Variants in YEATS4 observed in about 807,000 individuals in gnomAD.
YEATS4 encodes YEATS domain containing 4.
YEATS4 carries 17 observed loss-of-function variants against 30.1 expected under a neutral mutation model. The observed-to-expected ratio is 0.56, with a 90% CI of 0.39 to 0.85. YEATS4 has a LOEUF of 0.85. YEATS4 is among the 40% of genes least tolerant of loss of function. YEATS4 has a pLI of 0.00. For missense variants in YEATS4, 142 were observed against 268.3 expected (o/e 0.53, Z 3.29); for synonymous variants, 85 against 87.5 (o/e 0.97, Z 0.16).
chr12:69,402,559 C>G, the YEATS4 span, among the ~76,000 whole-genome samples: 1 of 152,086 alleles, frequency 6.6e-6, no homozygotes, highest in Non-Finnish European at 1.5e-5. Context: ...TTTATGGTCT[C>G]TGTCGTAGAT....
At chr12:69,413,920 A>G in the YEATS4 span, among the ~76,000 whole-genome samples, 4 of 152,104 alleles carry the variant, frequency 2.6e-5, no homozygotes, top group African/African-American at 9.7e-5. Context: ...CAGCTTCAAG[A>G]AAGTCTCCTG....
intron 1 of YEATS4, among the ~76,000 whole-genome samples, 186 bp downstream of exon 1, chr12:69,360,209 C>A (rs1875136819): frequency 1.3e-5 from 2 of 152,142 alleles, no homozygotes; most frequent in Admixed American, 6.5e-5. Context: ...GCCCCAACTT[C>A]CTCGCGTCAC....
chr12:69,376,320 T>A (rs1001889644), intron 6 of YEATS4, among the ~76,000 whole-genome samples: 3 of 152,190 alleles, frequency 2.0e-5, no homozygotes, highest in African/African-American at 7.2e-5. Flanking sequence ...GAGCCGAGAT[T>A]GTGTCACTGC....
At chr12:69,363,315 TA>T (rs1212882304) in intron 2 of YEATS4, among the ~76,000 whole-genome samples, 1 of 152,172 alleles carries the variant, frequency 6.6e-6, no homozygotes, top group Admixed American at 6.6e-5. Flanking sequence ...TTTTTTATAG[TA>T]ACTTTCTGAT....
chr12:69,419,234 T>TTTTTTTTTTG, the YEATS4 span, among the ~76,000 whole-genome samples: 35 of 145,922 alleles, frequency 2.4e-4, no homozygotes, highest in Non-Finnish European at 3.5e-4. Context: ...TTTTTTTTTT[T>TTTTTTTTTTG]TTTAGAGACA....
chr12:69,410,085 T>A, the YEATS4 span, among the ~76,000 whole-genome samples: 1 of 152,206 alleles, frequency 6.6e-6, no homozygotes, highest in Non-Finnish European at 1.5e-5. Flanking sequence ...GAAACTATAT[T>A]ATGGCAGCCC....
At chr12:69,363,951 C>T (rs1209541455) in intron 2 of YEATS4, among the ~76,000 whole-genome samples, 1 of 151,954 alleles carries the variant, frequency 6.6e-6, no homozygotes, top group East Asian at 1.9e-4. Flanking sequence ...TAAAAGAAGC[C>T]AAATATAAAA....
chr12:69,399,213 GA>G, the YEATS4 span, among the ~76,000 whole-genome samples: 95 of 140,212 alleles, frequency 6.8e-4, no homozygotes, highest in African/African-American at 2.0e-3. Flanking sequence ...AAAAAAGTCA[GA>G]AAAAAAAAAC....
At chr12:69,420,592 T>C in the YEATS4 span, among the ~76,000 whole-genome samples, 1 of 152,118 alleles carries the variant, frequency 6.6e-6, no homozygotes, top group Non-Finnish European at 1.5e-5. Context: ...TGGCAAAAGC[T>C]ACATGACTCC....
chr12:69,371,353 A>G (rs1217076931), intron 6 of YEATS4, among the ~76,000 whole-genome samples: 1 of 152,198 alleles, frequency 6.6e-6, no homozygotes, highest in Non-Finnish European at 1.5e-5. Context: ...TATACTGTGA[A>G]CTAGTTTATC....
the YEATS4 span, among the ~76,000 whole-genome samples, chr12:69,421,477 A>G: frequency 2.0e-5 from 3 of 152,212 alleles, no homozygotes; most frequent in Non-Finnish European, 4.4e-5. Context: ...TATACCTTAA[A>G]AAAATGGCAT....
chr12:69,373,955 C>G lies in YEATS4; in HGVS notation c.514+2980C>G, dbSNP rs533384117. Among the ~76,000 whole-genome samples, 23 of 152,198 alleles carry G rather than the reference C, an allele frequency of 1.5e-4. 1 individual carries two copies. In the South Asian group the frequency reaches 2.9e-3, roughly 19 times the overall value. ...TCCCTGTAAGTGTGTGGATTTGTTT[C>G]TGGGTTCTCTAGTCTGTTCCGTTGG... On this transcript the variant is annotated intron_variant, in intron 6 of 6. Transcript: ENST00000247843.
downstream of YEATS4, among the ~76,000 whole-genome samples, chr12:69,395,176 A>G (rs373613417): frequency 3.5e-4 from 54 of 152,244 alleles, no homozygotes; most frequent in African/African-American, 1.3e-3. Flanking sequence ...TTTTAGGAAT[A>G]TATTATTTAT....
At chr12:69,425,684 A>G in the YEATS4 span, among the ~76,000 whole-genome samples, 2 of 152,138 alleles carry the variant, frequency 1.3e-5, no homozygotes, top group Non-Finnish European at 1.5e-5. Context: ...AGAGTGCTAG[A>G]GAGTTATCAC....
At chr12:69,386,238 T>C (rs1165303023) in intron 6 of YEATS4, among the ~76,000 whole-genome samples, 1 of 152,176 alleles carries the variant, frequency 6.6e-6, no homozygotes, top group Non-Finnish European at 1.5e-5. Context: ...GTCTTACAAG[T>C]TGTCAAAAAT....
chr12:69,360,628 T>G (rs999582759), intron 1 of YEATS4, among the ~76,000 whole-genome samples: 2 of 151,518 alleles, frequency 1.3e-5, no homozygotes, highest in African/African-American at 4.8e-5. Context: ...TGTTTGACAT[T>G]GTAATATTTA....
At chr12:69,402,720 C>CTTTT in the YEATS4 span, among the ~76,000 whole-genome samples, 4 of 130,682 alleles carry the variant, frequency 3.1e-5, no homozygotes, top group South Asian at 2.8e-4. Context: ...TTCTTTCTTT[C>CTTTT]TTTTCTTTTT....
At chr12:69,406,584 G>A in the YEATS4 span, among the ~76,000 whole-genome samples, 1 of 148,636 alleles carries the variant, frequency 6.7e-6, no homozygotes, top group African/African-American at 2.4e-5. Context: ...AAAATTCTGA[G>A]TAAGATTGAG....
intron 1 of YEATS4, 136 bp from the exon 2 acceptor site, chr12:69,362,652 T>A (rs1361815755): frequency 7.0e-6 from 4 of 569,902 alleles, no homozygotes; most frequent in Non-Finnish European, 8.4e-6. Flanking sequence ...TGAAATTGAT[T>A]TGAGAGAAAT....
Sources: allele counts gnomAD v4.1 joint callset (sites outside exome capture counted in the v4.1 genomes callset), GRCh38; gene constraint gnomAD v4.1.1; transcripts MANE v1.5; gene names NCBI Gene and HGNC (gene_info 2026-07-23, HGNC 2026-07-21).